Variants in CTNNA3 observed in about 807,000 individuals in gnomAD.
CTNNA3 encodes the protein catenin alpha 3.
Under a neutral mutation model 95.7 loss-of-function variants are expected in CTNNA3, and 76 were observed. The observed-to-expected ratio is 0.79, with a 90% CI of 0.66 to 0.96. The LOEUF (loss-of-function observed/expected upper bound fraction) is 0.96. Ranked by LOEUF, CTNNA3 falls within the 40% of genes least tolerant of loss-of-function variation. The probability of loss-of-function intolerance (pLI) is 0.00; values close to 1 mark genes in which losing one functional copy is unlikely to be tolerated. For synonymous variants in CTNNA3, 431 were observed against 374.4 expected (o/e 1.15, Z -1.74); for missense variants, 1,191 against 1,089.8 (o/e 1.09, Z -1.31).
chr10:67,727,508 T>C (rs551955243), intron 1 of CTNNA3, among the ~76,000 whole-genome samples: 1 of 132,124 alleles, frequency 7.6e-6, no homozygotes, highest in African/African-American at 2.8e-5. Flanking sequence ...ATATATCATA[T>C]ATAACATATC....
chr10:67,121,881 A>G lies in CTNNA3; in HGVS notation c.1047+58436T>C, dbSNP rs933631338. 2.0e-5 allele frequency among the ~76,000 whole-genome samples: 3 copies of G among 149,806 alleles called. No individual in the cohort carries two copies. In the Admixed American group the frequency reaches 2.0e-4, roughly 10 times the overall value. On this transcript the variant is annotated intron_variant, in intron 7 of 17. Transcript: ENST00000433211. ...GGTCCATATCTTCCAGGTTTTCTAG[A>G]GAGGTAAAAAATCTGAATTTTTTAT...
At chr10:66,038,446 A>G (rs2079612692) in intron 15 of CTNNA3, among the ~76,000 whole-genome samples, 1 of 152,178 alleles carries the variant, frequency 6.6e-6, no homozygotes, top group Admixed American at 6.5e-5. Context: ...CAGCAGACTG[A>G]CTGCCAGACC....
At chr10:67,012,433 T>C (rs1852397245) in intron 7 of CTNNA3, 1 of 152,206 alleles carries the variant, frequency 6.6e-6, no homozygotes, top group African/African-American at 2.4e-5. Flanking sequence ...ATAATATAAA[T>C]TGTTATAGCT....
chr10:67,390,214 A>G (rs993224723), intron 5 of CTNNA3, among the ~76,000 whole-genome samples: 3 of 152,230 alleles, frequency 2.0e-5, no homozygotes, highest in Non-Finnish European at 2.9e-5. Context: ...AAAAAATGAT[A>G]AGGGGGATAT....
At chr10:67,421,657 T>C (rs528579872) in intron 5 of CTNNA3, among the ~76,000 whole-genome samples, 16 of 152,302 alleles carry the variant, frequency 1.1e-4, no homozygotes, top group African/African-American at 3.8e-4. Flanking sequence ...GATTTCTTCT[T>C]AGATTTCTTA....
chr10:66,386,587 G>A (rs1242270407), intron 11 of CTNNA3, among the ~76,000 whole-genome samples: 1 of 151,948 alleles, frequency 6.6e-6, no homozygotes, highest in Non-Finnish European at 1.5e-5. Context: ...CAGAATTGGA[G>A]AAACACTACT....
intron 5 of CTNNA3, among the ~76,000 whole-genome samples, chr10:67,294,410 T>A (rs1839956538): frequency 3.9e-5 from 6 of 152,194 alleles, no homozygotes; most frequent in Admixed American, 3.9e-4. Flanking sequence ...CAAGTTAACC[T>A]TCTCAATAAT....
chr10:67,134,194 A>G (rs1860178252), intron 7 of CTNNA3, among the ~76,000 whole-genome samples: 1 of 152,170 alleles, frequency 6.6e-6, no homozygotes, highest in Non-Finnish European at 1.5e-5. Flanking sequence ...GAAGTAAGTA[A>G]ATTAAAGAAT....
At chr10:66,995,985 CCTTA>C (rs779960881) in intron 7 of CTNNA3, among the ~76,000 whole-genome samples, 2 of 152,108 alleles carry the variant, frequency 1.3e-5, no homozygotes, top group Non-Finnish European at 2.9e-5. Flanking sequence ...TTTCACATTA[CCTTA>C]CTATTATATC....
At chr10:67,139,299 AT>A (rs60290459) in intron 7 of CTNNA3, among the ~76,000 whole-genome samples, 43,295 of 117,716 alleles carry the variant, frequency 0.37, 6,346 homozygotes, top group Middle Eastern at 0.55. Context: ...CGCCCGGCTA[AT>A]TTTTTTTTTT....
At position 66,998,773 on chromosome 10, in the gene CTNNA3, A is replaced by C. The variant is rs1485525130; in HGVS notation, c.1047+181544T>G. 2.6e-5 allele frequency among the ~76,000 whole-genome samples: 4 copies of C among 152,176 alleles called. No homozygotes were observed. The East Asian group carries it at 7.7e-4, about 29-fold the overall frequency. ...CAACAATAATGGGAGATTTCAATGC[A>C]CTTTTCTTATAACTGATACATCAGG... On this transcript the variant is annotated intron_variant, in intron 7 of 17. Coordinates refer to ENST00000433211, the MANE Select transcript of CTNNA3 (RefSeq NM_013266.4).
intron 17 of CTNNA3, among the ~76,000 whole-genome samples, chr10:65,937,482 C>T (rs2077360431): frequency 3.3e-5 from 5 of 152,186 alleles, no homozygotes; most frequent in African/African-American, 9.6e-5. Flanking sequence ...TGCCTTTCTT[C>T]CAAGAGTTTC....
chr10:66,830,953 T>TA (rs1207868661), intron 7 of CTNNA3, among the ~76,000 whole-genome samples: 2 of 148,076 alleles, frequency 1.4e-5, no homozygotes, highest in Non-Finnish European at 3.0e-5. Context: ...CAAAAAGTCA[T>TA]AAAAAAGGGA....
At chr10:67,747,630 T>C (rs527347658) in intron 1 of CTNNA3, among the ~76,000 whole-genome samples, 1 of 152,226 alleles carries the variant, frequency 6.6e-6, no homozygotes, top group East Asian at 1.9e-4. Context: ...AGATCGAAAC[T>C]AGACAACTCA....
chr10:66,576,118 C>T (rs535961846), intron 10 of CTNNA3, among the ~76,000 whole-genome samples: 16 of 152,108 alleles, frequency 1.1e-4, no homozygotes, highest in East Asian at 7.8e-4. Flanking sequence ...CCCACTTCGC[C>T]CACAGATGGT....
At chr10:66,473,535 C>T (rs1009641461) in intron 11 of CTNNA3, among the ~76,000 whole-genome samples, 22 of 151,742 alleles carry the variant, frequency 1.4e-4, no homozygotes, top group Non-Finnish European at 2.8e-4. Context: ...TATTATTATA[C>T]TTTAAGTTTT....
intron 5 of CTNNA3, among the ~76,000 whole-genome samples, chr10:67,257,453 T>A (rs1866402535): frequency 6.6e-6 from 1 of 152,244 alleles, no homozygotes; most frequent in Admixed American, 6.5e-5. Context: ...TCTAATTATA[T>A]TCCTACATGA....
intron 8 of CTNNA3, among the ~76,000 whole-genome samples, chr10:66,774,300 C>G (rs575150239): frequency 6.6e-6 from 1 of 152,128 alleles, no homozygotes; most frequent in Non-Finnish European, 1.5e-5. Context: ...GGGAGGATCG[C>G]TCTGAGGATA....
chr10:67,170,266 C>T (rs1861958600), intron 7 of CTNNA3, among the ~76,000 whole-genome samples: 1 of 152,184 alleles, frequency 6.6e-6, no homozygotes, highest in Non-Finnish European at 1.5e-5. Context: ...AATCCCATTA[C>T]TGGGTACATA....
Sources: gnomAD v4.1 joint callset for allele counts (sites outside exome capture counted in the v4.1 genomes callset) on GRCh38, gnomAD v4.1.1 for gene constraint, MANE v1.5 for transcripts, NCBI Gene and HGNC (gene_info 2026-07-23, HGNC 2026-07-21) for gene names.